IGF2BP2: variants seen among roughly 807,000 people sequenced by gnomAD.
IGF2BP2 encodes the protein insulin-like growth factor 2 mRNA-binding protein 2.
IGF2BP2 carries 17 observed loss-of-function variants against 75.8 expected under a neutral mutation model. That is an observed-to-expected ratio of 0.22 (90% CI 0.15 to 0.34). The LOEUF is 0.34. IGF2BP2 is among the 10% of genes least tolerant of loss of function. The probability of loss-of-function intolerance (pLI) is 1.00; values close to 1 mark genes in which losing one functional copy is unlikely to be tolerated. For missense variants in IGF2BP2, 516 were observed against 772.4 expected, an observed-to-expected ratio of 0.67 and a Z score of 3.93; for synonymous variants, 288 against 295.6, an observed-to-expected ratio of 0.97 and a Z score of 0.26.
chr3:185,791,029 T>C (rs950201042), intron 2 of IGF2BP2, among the ~76,000 whole-genome samples: 1 of 152,214 alleles, frequency 6.6e-6, no homozygotes, highest in African/African-American at 2.4e-5. Flanking sequence ...TTATTCAAGG[T>C]CAGCTTATGC....
rs1336272691 is a variant in IGF2BP2 at position 185,692,699 on chromosome 3, A to C, written c.404T>G (p.Ile135Arg). 1.2e-6 allele frequency: 2 copies of C among 1,612,418 alleles called. No homozygotes were observed. Among genetic ancestry groups the C allele is most frequent in the African/African-American group, 2.7e-5 (2 of 74,910 alleles). The change falls in exon 5 of 16, where the codon ATA becomes AGA. Residue 135 changes from isoleucine (I) to arginine (R), a missense_variant and splice_region_variant. Transcript: ENST00000382199. ...CAGAAATAAGCCCAAATCTGCTTACATTTTTGCTTCTTCTCTTGTTGCATA... is the reference window on the plus strand; with the variant it reads ...CAGAAATAAGCCCAAATCTGCTTACCTTTTTGCTTCTTCTCTTGTTGCATA... The part of the protein sequence containing the change: ...VTYATREEAK[I>R]AMEKLSGHQF...
chr3:185,667,367 T>G (rs977615950), intron 10 of IGF2BP2, among the ~76,000 whole-genome samples: 3 of 152,128 alleles, frequency 2.0e-5, no homozygotes, highest in African/African-American at 7.2e-5. Context: ...TCCCAGTTAT[T>G]GAGGAGGCTG....
rs140377801 is a variant in IGF2BP2 at position 185,785,894 on chromosome 3, T to C, written c.239+37259A>G. ...GACTGAATTGGTCATTAAAAGTAGA[T>C]CTAAGGATTCTTTCATTCAACTACA... On this transcript the variant is annotated intron_variant, in intron 2 of 15. Transcript: ENST00000382199. 5.3e-4 allele frequency among the ~76,000 whole-genome samples: 81 copies of C among 152,254 alleles called. 1 individual carries two copies. The Middle Eastern group carries it at 0.014, about 26-fold the overall frequency.
chr3:185,696,754 G>C, intron 3 of IGF2BP2, 91 bp from the exon 4 acceptor site: 1 of 1,016,862 alleles, frequency 9.8e-7, no homozygotes, highest in Non-Finnish European at 1.5e-6. Flanking sequence ...ACAAATTAAA[G>C]GAAAAAAAAG....
intron 2 of IGF2BP2, among the ~76,000 whole-genome samples, chr3:185,811,176 ATTATT>A (rs1342584620): frequency 6.6e-6 from 1 of 152,122 alleles, no homozygotes; most frequent in Non-Finnish European, 1.5e-5. Context: ...AAAAATAATT[ATTATT>A]TTATTAATAG....
intron 4 of IGF2BP2, among the ~76,000 whole-genome samples, chr3:185,694,304 A>C (rs1722308329): frequency 6.6e-6 from 1 of 152,210 alleles, no homozygotes; most frequent in South Asian, 2.1e-4. Flanking sequence ...GCTACAGATA[A>C]GGCTGTAGAC....
chr3:185,825,024 G>T lies in IGF2BP2; in HGVS notation c.-64C>A. 7.6e-7 allele frequency: 1 copy of T among 1,323,734 alleles called. No homozygotes were observed. The highest frequency in any genetic ancestry group is 1.0e-6 in the Non-Finnish European group (1 of 994,952). The allele number at this position is 1,323,734 out of a possible 1,614,324, so 82.0% of individuals were successfully genotyped here. On this transcript the variant is annotated 5_prime_UTR_variant, in exon 1 of 16. Transcript: ENST00000382199. ...GTACCCGGCGCTCCTCGCCTCCTCC[G>T]CTGCCCTCGTCTCTCCTCCTCCTCC...
At chr3:185,809,393 T>C (rs1052186436) in intron 2 of IGF2BP2, among the ~76,000 whole-genome samples, 1 of 152,236 alleles carries the variant, frequency 6.6e-6, no homozygotes, top group Non-Finnish European at 1.5e-5. Flanking sequence ...GCAGCCAGCC[T>C]TATGAAGGTT....
rs2150075670 is a variant in IGF2BP2 at position 185,823,156 on chromosome 3, A to C, written c.236T>G (p.Leu79Arg). The C allele has an allele frequency of 6.3e-7, 1 of 1,598,108 alleles. No individual in the cohort carries two copies. Among genetic ancestry groups the C allele is most frequent in the South Asian group, 1.1e-5 (1 of 88,418 alleles). The change falls in exon 2 of 16, where the codon CTA becomes CGA. Residue 79 changes from leucine (L) to arginine (R), a missense_variant. By Grantham distance (102) the Leu-to-Arg change is moderately radical. Around this residue, in one of 3 missense-constraint regions of IGF2BP2, gnomAD observed 312 missense variants for 474.5 expected, o/e 0.66. Coordinates refer to ENST00000382199, the MANE Select transcript of IGF2BP2 (RefSeq NM_006548.6). ...MEVDYSVSKKLRSRKIQIRNI... is the reference protein window; with the variant it reads ...MEVDYSVSKKRRSRKIQIRNI... ...AAACTAAGCAAAGTATATTTACCTTAGCTTTTTAGAGACTGAGTAATCAAC... is the reference window on the plus strand; with the variant it reads ...AAACTAAGCAAAGTATATTTACCTTCGCTTTTTAGAGACTGAGTAATCAAC...
At chr3:185,671,151 A>G (rs187774582) in intron 10 of IGF2BP2, among the ~76,000 whole-genome samples, 3 of 152,292 alleles carry the variant, frequency 2.0e-5, no homozygotes, top group African/African-American at 7.2e-5. Flanking sequence ...AATCCCTCAT[A>G]CTGCATCTTC....
At chr3:185,751,923 A>G (rs1462286253) in intron 2 of IGF2BP2, among the ~76,000 whole-genome samples, 1 of 152,178 alleles carries the variant, frequency 6.6e-6, no homozygotes, top group East Asian at 1.9e-4. Flanking sequence ...AGATCGTGCC[A>G]CTGCACTCCA....
At chr3:185,780,082 C>T (rs969126520) in intron 2 of IGF2BP2, among the ~76,000 whole-genome samples, 1 of 152,016 alleles carries the variant, frequency 6.6e-6, no homozygotes. Context: ...AGACATGTTG[C>T]GTGAAAAAAG....
At chr3:185,731,556 A>G (rs1223099302) in intron 2 of IGF2BP2, among the ~76,000 whole-genome samples, 5 of 152,154 alleles carry the variant, frequency 3.3e-5, no homozygotes. Context: ...CCAGGTCTGC[A>G]TCACTTTCTA....
intron 10 of IGF2BP2, among the ~76,000 whole-genome samples, chr3:185,660,290 C>T (rs138126979): frequency 5.5e-4 from 83 of 152,290 alleles, no homozygotes; most frequent in Non-Finnish European, 1.0e-3. Flanking sequence ...AGTGGTCAGA[C>T]GTGGCTGAGG....
intron 2 of IGF2BP2, among the ~76,000 whole-genome samples, chr3:185,720,107 C>T (rs1260489836): frequency 2.0e-5 from 3 of 152,192 alleles, no homozygotes; most frequent in African/African-American, 4.8e-5. Flanking sequence ...GGGCACTGAG[C>T]GTAAAGCAGT....
chr3:185,726,477 T>C (rs377572210), intron 2 of IGF2BP2, among the ~76,000 whole-genome samples: 34 of 152,304 alleles, frequency 2.2e-4, no homozygotes, highest in East Asian at 1.2e-3. Context: ...TTCCTAAAGG[T>C]ATAAAGTGGG....
At chr3:185,713,216 T>C (rs1252508882) in intron 2 of IGF2BP2, 1 of 348,508 alleles carries the variant, frequency 2.9e-6, no homozygotes, top group Non-Finnish European at 5.7e-6. Flanking sequence ...AAAGTTCACA[T>C]TTTCACTGCA....
intron 2 of IGF2BP2, among the ~76,000 whole-genome samples, chr3:185,802,554 T>C (rs10428126): frequency 0.39 from 59,152 of 152,110 alleles, 12,442 homozygotes; most frequent in African/African-American, 0.57. Flanking sequence ...GTTGAAATAA[T>C]TTGTTGAATT....
At chr3:185,680,404 A>C (rs535759763) in intron 7 of IGF2BP2, among the ~76,000 whole-genome samples, 1 of 152,218 alleles carries the variant, frequency 6.6e-6, no homozygotes, top group Non-Finnish European at 1.5e-5. Flanking sequence ...AATCCTCCTG[A>C]AACTCTTCCA....
Sources: gnomAD v4.1 joint callset for allele counts (sites outside exome capture counted in the v4.1 genomes callset) on GRCh38, gnomAD v4.1.1 for gene constraint, gnomAD v4.1.1 regional missense constraint, MANE v1.5 for transcripts, NCBI Gene and HGNC (gene_info 2026-07-23, HGNC 2026-07-21) for gene names.